Variants in PGM3 observed in about 807,000 individuals in gnomAD.
PGM3 encodes phosphoglucomutase 3, also known as phosphoacetylglucosamine mutase.
PGM3 carries 40 observed loss-of-function variants against 66.2 expected under a neutral mutation model. The observed-to-expected ratio is 0.60, with a 90% CI of 0.47 to 0.79. The LOEUF is 0.79. Ranked by LOEUF, PGM3 falls within the 30% of genes least tolerant of loss-of-function variation. PGM3 has a pLI of 0.00. For synonymous variants in PGM3, 191 were observed against 224.2 expected (o/e 0.85, Z 1.32); for missense variants, 537 against 643.4 (o/e 0.83, Z 1.79).
intron 2 of PGM3, chr6:83,190,544 C>G (rs190976768): frequency 4.7e-4 from 208 of 442,652 alleles, no homozygotes; most frequent in Non-Finnish European, 2.8e-5. Context: ...TGTCTTAAAT[C>G]AATAAATTTG....
chr6:83,164,631 G>A (rs1421001398), downstream of PGM3: 1 of 1,554,888 alleles, frequency 6.4e-7, no homozygotes. Flanking sequence ...TGGAACAAAG[G>A]CTGTGAGTTC....
intron 2 of PGM3, among the ~76,000 whole-genome samples, chr6:83,189,032 A>C (rs886726109): frequency 2.0e-5 from 3 of 152,210 alleles, no homozygotes; most frequent in African/African-American, 7.2e-5. Flanking sequence ...TTTTAATTTC[A>C]ATCTTCGAGA....
At chr6:83,177,878 C>A (rs944833718) in intron 8 of PGM3, among the ~76,000 whole-genome samples, 14 of 152,108 alleles carry the variant, frequency 9.2e-5, no homozygotes, top group Non-Finnish European at 1.6e-4. Context: ...AAATACCACC[C>A]ACTTACCCTC....
the PGM3 span, among the ~76,000 whole-genome samples, chr6:83,150,627 T>G: frequency 6.6e-6 from 1 of 152,222 alleles, no homozygotes; most frequent in Non-Finnish European, 1.5e-5. Context: ...AGTTTCATTT[T>G]ACATATTAGT....
chr6:83,159,960 TGTAA>T, downstream of PGM3: 1 of 1,613,932 alleles, frequency 6.2e-7, no homozygotes, highest in Non-Finnish European at 8.5e-7. Context: ...CAGTTTCAGA[TGTAA>T]GTAAAAGCAA....
In PGM3 at chr6:83,169,317, C is replaced by T. The variant is rs1336612507; in HGVS notation, c.1546G>A (p.Ala516Thr). 4 of 1,613,518 alleles carry T rather than the reference C, an allele frequency of 2.5e-6. No homozygotes were observed. Among genetic ancestry groups the T allele is most frequent in the South Asian group, 1.1e-5 (1 of 91,060 alleles). ...CTCACTTCATGTGCAAGGTGATCTG[C>T]ACTTTCCTGCAAATTACATTAAAAG... is the stretch of plus-strand genomic sequence containing the variant. ...VYAEADSQES[A>T]DHLAHEVSLA... The change falls in exon 13 of 13, where the codon GCA (alanine) becomes ACA (threonine). Residue 516 changes from alanine (A) to threonine (T), a missense_variant. Coordinates refer to ENST00000513973, the MANE Select transcript of PGM3 (RefSeq NM_015599.3).
chr6:83,180,509 A>T (rs929520104), intron 6 of PGM3, among the ~76,000 whole-genome samples: 4 of 152,218 alleles, frequency 2.6e-5, no homozygotes, highest in Admixed American at 1.3e-4. Flanking sequence ...TTTATTAGAA[A>T]ATTTGGCTAT....
At chr6:83,158,723 CTTAT>C (rs1783444576), downstream of PGM3, 2 of 791,916 alleles carry the variant, frequency 2.5e-6, no homozygotes, top group Non-Finnish European at 4.0e-6. Flanking sequence ...TTTCTGAATA[CTTAT>C]TTATTATTAT....
At chr6:83,156,033 T>C in the PGM3 span, 1 of 1,613,818 alleles carries the variant, frequency 6.2e-7, no homozygotes. Context: ...CTATGCTTCT[T>C]AAAAGATTAG....
intron 1 of PGM3, among the ~76,000 whole-genome samples, chr6:83,191,956 CTCA>C (rs1789114874): frequency 1.5e-5 from 1 of 64,802 alleles, no homozygotes. Flanking sequence ...GAGACTCGGT[CTCA>C]AAAAAAAAAA....
chr6:83,177,353 C>T (rs1055157974), intron 8 of PGM3, among the ~76,000 whole-genome samples: 4 of 151,960 alleles, frequency 2.6e-5, no homozygotes, highest in Non-Finnish European at 5.9e-5. Context: ...GGTAACTCTC[C>T]GAGCAAGTAG....
At chr6:83,188,490 G>T in intron 3 of PGM3, 124 bp downstream of exon 3, 1 of 718,044 alleles carries the variant, frequency 1.4e-6, no homozygotes, top group Non-Finnish European at 2.3e-6. Context: ...GGCCAGGCAG[G>T]TAGACATGCA....
chr6:83,173,643 C>T (rs1787487427), intron 10 of PGM3, among the ~76,000 whole-genome samples: 1 of 152,178 alleles, frequency 6.6e-6, no homozygotes, highest in African/African-American at 2.4e-5. Flanking sequence ...AATTGAATCG[C>T]TTTCCTCTAC....
chr6:83,152,622 T>G, the PGM3 span, among the ~76,000 whole-genome samples: 1 of 146,770 alleles, frequency 6.8e-6, no homozygotes, highest in Admixed American at 6.8e-5. Flanking sequence ...TTCTTTTTCT[T>G]TTTTTTTTTT....
chr6:83,158,644 T>C (rs1341385888), downstream of PGM3: 1 of 1,555,028 alleles, frequency 6.4e-7, no homozygotes, highest in African/African-American at 1.4e-5. Flanking sequence ...TTTAAATATA[T>C]TGTTGTCCAT....
the PGM3 span, chr6:83,154,252 C>A: frequency 6.2e-7 from 1 of 1,610,506 alleles, no homozygotes; most frequent in Non-Finnish European, 8.5e-7. Flanking sequence ...GTGAGTATTA[C>A]GGGATGACAA....
Position 83,179,858 on chromosome 6 carries a change from G to T in PGM3, c.897C>A (p.Asp299Glu). Residue 299 changes from aspartate (D) to glutamate (E), a missense_variant, in exon 7 of 13, where the codon GAC becomes GAA. Physicochemically the swap from Asp to Glu is conservative, Grantham distance 45 (BLOSUM62 2). Coordinates refer to ENST00000513973, the MANE Select transcript of PGM3 (RefSeq NM_015599.3). ...ADGHFHLIDG[D>E]KIATLISSFL... ...AACTGCTAATTAACGTTGCTATCTT[G>T]TCTCCATCTATGAGATGAAAGTGGC... The T allele has an allele frequency of 6.2e-7, 1 of 1,613,264 alleles. No homozygotes were observed. The highest frequency in any genetic ancestry group is 8.5e-7 in the Non-Finnish European group (1 of 1,179,498).
chr6:83,177,531 G>A (rs879276886), intron 8 of PGM3, among the ~76,000 whole-genome samples: 3 of 152,160 alleles, frequency 2.0e-5, no homozygotes, highest in Non-Finnish European at 2.9e-5. Flanking sequence ...AATTTGCTAA[G>A]AGATAGCAAA....
At position 83,167,960 on chromosome 6, in the gene PGM3, G is replaced by A. The variant is rs957046624; in HGVS notation, c.*1274C>T. 1 of 1,614,152 alleles carries A rather than the reference G, an allele frequency of 6.2e-7. No individual in the cohort carries two copies. Among genetic ancestry groups the A allele is most frequent in the Non-Finnish European group, 8.5e-7 (1 of 1,180,018 alleles). ...CCGTGCGCAGTATGGAGCAGCTCCT[G>A]CCGTTCTTCAATGTGCTCAGTCAAG... is the stretch of plus-strand genomic sequence containing the variant. On this transcript the variant is annotated 3_prime_UTR_variant, in exon 13 of 13. Coordinates refer to ENST00000513973, the MANE Select transcript of PGM3 (RefSeq NM_015599.3).
Sources: allele counts gnomAD v4.1 joint callset (sites outside exome capture counted in the v4.1 genomes callset), GRCh38; gene constraint gnomAD v4.1.1; transcripts MANE v1.5; gene names NCBI Gene and HGNC (gene_info 2026-07-23, HGNC 2026-07-21).